SYN3: variants seen among roughly 807,000 people sequenced by gnomAD.
SYN3 encodes the protein synapsin III, also known as synapsin-3.
In SYN3, 35 loss-of-function variants were observed where a neutral mutation model predicts 65.8. The observed-to-expected ratio is 0.53, with a 90% CI of 0.41 to 0.70. The LOEUF (loss-of-function observed/expected upper bound fraction) is 0.70. Ranked by LOEUF, SYN3 falls within the 30% of genes least tolerant of loss-of-function variation. The probability of loss-of-function intolerance (pLI) is 0.00; values close to 1 mark genes in which losing one functional copy is unlikely to be tolerated. For synonymous variants in SYN3, 270 were observed against 292.9 expected (o/e 0.92, Z 0.80); for missense variants, 680 against 749.0 (o/e 0.91, Z 1.08).
chr22:32,855,384 G>T (rs2048336287), intron 6 of SYN3, among the ~76,000 whole-genome samples: 1 of 152,180 alleles, frequency 6.6e-6, no homozygotes, highest in South Asian at 2.1e-4. Flanking sequence ...AATAGCATTT[G>T]CCTGCTTCTG....
chr22:32,954,099 C>CAACAAAACAAAACAA (rs199873334), intron 3 of SYN3, among the ~76,000 whole-genome samples: 12 of 145,238 alleles, frequency 8.3e-5, no homozygotes, highest in Non-Finnish European at 1.7e-4. Context: ...TACCCACACC[C>CAACAAAACAAAACAA]AACAAAACAA....
intron 6 of SYN3, among the ~76,000 whole-genome samples, chr22:32,634,914 A>G (rs931289954): frequency 6.7e-6 from 1 of 150,180 alleles, no homozygotes; most frequent in Non-Finnish European, 1.5e-5. Flanking sequence ...GTCTTAAAAC[A>G]TTATGAGATT....
At chr22:32,713,853 CAG>C (rs2061001374) in intron 6 of SYN3, among the ~76,000 whole-genome samples, 2 of 147,126 alleles carry the variant, frequency 1.4e-5, no homozygotes, top group African/African-American at 5.0e-5. Flanking sequence ...AAAAAGAAAA[CAG>C]ATATCCCAGG....
chr22:32,760,875 A>G (rs2045459868), intron 6 of SYN3, among the ~76,000 whole-genome samples: 2 of 152,232 alleles, frequency 1.3e-5, no homozygotes, highest in South Asian at 4.1e-4. Context: ...TTAGAAGACT[A>G]TGATGGGCCA....
intron 6 of SYN3, among the ~76,000 whole-genome samples, chr22:32,635,669 C>G (rs1446618427): frequency 4.6e-5 from 7 of 152,144 alleles, no homozygotes; most frequent in African/African-American, 1.4e-4. Flanking sequence ...CCGGTATGTG[C>G]TGGATGAATG....
At chr22:32,731,828 T>C (rs2061274132) in intron 6 of SYN3, among the ~76,000 whole-genome samples, 1 of 151,950 alleles carries the variant, frequency 6.6e-6, no homozygotes, top group Non-Finnish European at 1.5e-5. Context: ...GGCCATATGG[T>C]GTGATATTTA....
chr22:32,781,133 A>C (rs920323555), intron 6 of SYN3, among the ~76,000 whole-genome samples: 3 of 143,644 alleles, frequency 2.1e-5, no homozygotes, highest in African/African-American at 7.7e-5. Flanking sequence ...TCAATAAACA[A>C]ATCCTTTTAA....
intron 1 of SYN3, among the ~76,000 whole-genome samples, chr22:33,053,151 A>C (rs2054199119): frequency 6.6e-6 from 1 of 152,212 alleles, no homozygotes; most frequent in South Asian, 2.1e-4. Flanking sequence ...GGCCGGGCGC[A>C]GTGGCTCACA....
At chr22:33,032,225 A>T (rs1461403254) in intron 1 of SYN3, among the ~76,000 whole-genome samples, 3 of 142,238 alleles carry the variant, frequency 2.1e-5, no homozygotes, top group East Asian at 4.5e-4. Context: ...AAAAAAAAAA[A>T]TGCTGGGCAT....
Position 32,837,220 on chromosome 22 carries a change from AG to A in SYN3, c.711+27694del, listed in dbSNP as rs1371892497. On this transcript the variant is annotated intron_variant, in intron 6 of 13. Transcript: ENST00000358763. This position sits in a 1 kb window ranked among gnomAD's most constrained non-coding sequence, Gnocchi z 4.1. ...GGTATTTTTCTGGGCACTGCTTCAA[AG>A]GGGCTGTGGTTGAAGACCATGCTGC... is the stretch of plus-strand genomic sequence containing the variant. Among the ~76,000 whole-genome samples, 1 of 152,194 alleles carries A rather than the reference AG, an allele frequency of 6.6e-6. No homozygotes were observed. The highest frequency in any genetic ancestry group is 6.5e-5 in the Admixed American group (1 of 15,278).
chr22:32,980,531 T>C (rs2052339736), intron 3 of SYN3, 114 bp downstream of exon 3: 2 of 951,122 alleles, frequency 2.1e-6, no homozygotes, highest in African/African-American at 1.6e-5. Flanking sequence ...TGGACTTTTC[T>C]GGTAATCTTG....
chr22:32,929,841 T>G (rs1176848266), intron 4 of SYN3, among the ~76,000 whole-genome samples: 1 of 152,226 alleles, frequency 6.6e-6, no homozygotes, highest in Admixed American at 6.5e-5. Flanking sequence ...CAAATTTGGC[T>G]GATCTAGTGA....
chr22:32,627,050 C>T (rs541384567), intron 6 of SYN3, among the ~76,000 whole-genome samples: 1 of 152,256 alleles, frequency 6.6e-6, no homozygotes, highest in Non-Finnish European at 1.5e-5. Flanking sequence ...CATGGAGGGC[C>T]TGCCACTGGC....
intron 2 of SYN3, among the ~76,000 whole-genome samples, chr22:32,982,220 T>C (rs1328344640): frequency 6.6e-6 from 1 of 152,240 alleles, no homozygotes; most frequent in Non-Finnish European, 1.5e-5. Context: ...TATACCTATA[T>C]GCCCCACATA....
intron 1 of SYN3, among the ~76,000 whole-genome samples, chr22:33,040,274 G>A (rs142576956): frequency 1.3e-5 from 2 of 152,154 alleles, no homozygotes; most frequent in African/African-American, 4.8e-5. Flanking sequence ...TTTAAGGACA[G>A]GGATCCTACC....
chr22:32,911,975 G>A lies in SYN3; in HGVS notation c.461+19415C>T, dbSNP rs563811879. Among the ~76,000 whole-genome samples the A allele has an allele frequency of 9.9e-5, 15 of 152,250 alleles. No homozygotes were observed. The South Asian group carries it at 1.0e-3, about 11-fold the overall frequency. On this transcript the variant is annotated intron_variant, in intron 4 of 13. Coordinates refer to ENST00000358763, the MANE Select transcript of SYN3 (RefSeq NM_003490.4). ...ATCAACTCCACCCTCATAAGCTGTC[G>A]AACTTTGGGCAAGACACTGAACCTC... is the stretch of plus-strand genomic sequence containing the variant.
At chr22:32,857,632 T>G (rs1450766345) in intron 6 of SYN3, among the ~76,000 whole-genome samples, 1 of 152,216 alleles carries the variant, frequency 6.6e-6, no homozygotes, top group African/African-American at 2.4e-5. Flanking sequence ...AGGGAGTATC[T>G]GTTCCTCTCC....
intron 4 of SYN3, among the ~76,000 whole-genome samples, chr22:32,913,859 A>G (rs1601683725): frequency 6.6e-6 from 1 of 152,360 alleles, no homozygotes; most frequent in East Asian, 1.9e-4. Flanking sequence ...GAACAAATAA[A>G]AATAGCAAAA....
At chr22:32,543,703 T>TAG (rs1255718786) in intron 7 of SYN3, among the ~76,000 whole-genome samples, 1 of 152,074 alleles carries the variant, frequency 6.6e-6, no homozygotes, top group Admixed American at 6.5e-5. Context: ...GTCGTGCGGG[T>TAG]AGATGTGCCT....
Sources: allele counts gnomAD v4.1 joint callset (sites outside exome capture counted in the v4.1 genomes callset), GRCh38; gene constraint gnomAD v4.1.1; non-coding constraint Gnocchi (gnomAD v3.1); transcripts MANE v1.5; gene names NCBI Gene and HGNC (gene_info 2026-07-23, HGNC 2026-07-21).